The following SH3D19 variants were observed in gnomAD, a reference collection of about 807,000 sequenced individuals.
SH3D19 encodes SH3 domain containing 19.
A neutral mutation model predicts 112.1 loss-of-function variants in SH3D19; 58 were observed. The observed-to-expected ratio is 0.52, with a 90% confidence interval of 0.42 to 0.64. SH3D19 has a LOEUF of 0.64. Ranked by LOEUF, SH3D19 falls within the 30% of genes least tolerant of loss-of-function variation. SH3D19 has a pLI of 0.00. For synonymous variants in SH3D19, 391 were observed against 448.5 expected (o/e 0.87, Z 1.62); for missense variants, 1,090 against 1,263.4 (o/e 0.86, Z 2.08).
rs1397259717 is a variant in SH3D19 at position 151,176,556 on chromosome 4, T to G, written c.507A>C (p.Glu169Asp). 3.2e-6 allele frequency: 4 copies of G among 1,232,082 alleles called. No individual in the cohort carries two copies. Among genetic ancestry groups the G allele is most frequent in the East Asian group, 3.2e-5 (1 of 31,714 alleles). 76.3% of individuals were successfully genotyped at this position (1,232,082 alleles called of 1,614,324 possible). ...TSATQTDFSE[E>D]IDNDLPQTLQ... ...TACTTTGAGGCAGATCGTTGTCTAT[T>G]TCTTCTGAAAAGTCAGTCTGAGTTG... The change falls in exon 6 of 20, where the codon GAA becomes GAC. Residue 169 changes from glutamate to aspartate, a missense_variant. Glu to Asp is a conservative substitution (Grantham distance 45). Transcript: ENST00000604030.
At chr4:151,250,220 TAAAG>T (rs1771257540) in intron 1 of SH3D19, among the ~76,000 whole-genome samples, 2 of 152,108 alleles carry the variant, frequency 1.3e-5, no homozygotes, top group East Asian at 1.9e-4. Flanking sequence ...CAGCAAAAAA[TAAAG>T]AAAATCTAAG....
chr4:151,157,991 G>A (rs1756435601), intron 9 of SH3D19, among the ~76,000 whole-genome samples: 1 of 152,192 alleles, frequency 6.6e-6, no homozygotes, highest in African/African-American at 2.4e-5. Context: ...CAAAATTAGA[G>A]CTAGACAGGA....
intron 1 of SH3D19, among the ~76,000 whole-genome samples, chr4:151,311,503 G>T (rs1339509309): frequency 6.6e-6 from 1 of 152,092 alleles, no homozygotes; most frequent in Non-Finnish European, 1.5e-5. Flanking sequence ...AATACTGTGT[G>T]ATCTCACTTG....
chr4:151,317,342 C>T (rs934152184), intron 1 of SH3D19, among the ~76,000 whole-genome samples: 2 of 152,122 alleles, frequency 1.3e-5, no homozygotes, highest in Non-Finnish European at 2.9e-5. Context: ...AAAGCTAAGG[C>T]CCAGAAAGAT....
At chr4:151,296,677 C>T (rs1411420454) in intron 1 of SH3D19, among the ~76,000 whole-genome samples, 1 of 152,110 alleles carries the variant, frequency 6.6e-6, no homozygotes, top group African/African-American at 2.4e-5. Flanking sequence ...ATATTTTATT[C>T]TGTGGAATAT....
intron 1 of SH3D19, among the ~76,000 whole-genome samples, chr4:151,311,516 T>C (rs1389059458): frequency 6.6e-6 from 1 of 152,120 alleles, no homozygotes; most frequent in Non-Finnish European, 1.5e-5. Flanking sequence ...CTCACTTGTA[T>C]GTGGAATCTA....
At position 151,256,694 on chromosome 4, in the gene SH3D19, G is replaced by GGT. The variant is rs1554063261; in HGVS notation, c.113-30609_113-30608insAC. On this transcript the variant is annotated intron_variant, in intron 1 of 19. Coordinates refer to ENST00000604030, the MANE Select transcript of SH3D19 (RefSeq NM_001378122.1). ...GTGTATGGTACACTTTTGTTTTGTT[G>GGT]TTTTTTTTTTTTTTTGGCTTGGCCT... Among the ~76,000 whole-genome samples, 12 of 134,290 alleles carry GGT rather than the reference G, an allele frequency of 8.9e-5. No homozygotes were observed. In the East Asian group the frequency reaches 2.6e-3, roughly 30 times the overall value. 88.1% of individuals were successfully genotyped at this position (134,290 alleles called of 152,430 possible). A position where few individuals can be genotyped will look rare whatever the true frequency, so the allele number is the denominator to read the frequency against.
intron 1 of SH3D19, among the ~76,000 whole-genome samples, chr4:151,317,473 A>G (rs886963908): frequency 3.9e-5 from 6 of 152,220 alleles, no homozygotes; most frequent in Non-Finnish European, 7.4e-5. Flanking sequence ...GAAAACAGTG[A>G]ATATGCTGTC....
At chr4:151,256,463 T>G (rs1013397996) in intron 1 of SH3D19, among the ~76,000 whole-genome samples, 7 of 152,210 alleles carry the variant, frequency 4.6e-5, no homozygotes, top group African/African-American at 1.7e-4. Flanking sequence ...AATACTTCAA[T>G]TAAATTAGTT....
chr4:151,247,028 T>C (rs1415137750), intron 1 of SH3D19, among the ~76,000 whole-genome samples: 1 of 152,228 alleles, frequency 6.6e-6, no homozygotes, highest in Non-Finnish European at 1.5e-5. Context: ...GCTCCAGAGC[T>C]GAAACTCTTT....
chr4:151,304,541 C>T (rs369264685), intron 1 of SH3D19, among the ~76,000 whole-genome samples: 5 of 152,276 alleles, frequency 3.3e-5, no homozygotes, highest in African/African-American at 1.2e-4. Flanking sequence ...CTTTCTTTTA[C>T]CTTACCTAAT....
At chr4:151,256,922 G>C (rs1163443174) in intron 1 of SH3D19, among the ~76,000 whole-genome samples, 1 of 151,302 alleles carries the variant, frequency 6.6e-6, no homozygotes, top group East Asian at 1.9e-4. Flanking sequence ...TGTTTTCTTA[G>C]TAGAGACAGG....
chr4:151,277,240 G>T, intron 1 of SH3D19: 2 of 1,491,112 alleles, frequency 1.3e-6, no homozygotes, highest in East Asian at 2.5e-5. Context: ...CGCCAGGGTG[G>T]GGTTGAGAAG....
At chr4:151,282,546 T>C in intron 1 of SH3D19, 1 of 865,446 alleles carries the variant, frequency 1.2e-6, no homozygotes, top group South Asian at 2.1e-5. Flanking sequence ...ATATTATCTA[T>C]AAGTTTTTAA....
intron 1 of SH3D19, chr4:151,277,162 A>C: frequency 6.9e-7 from 1 of 1,444,772 alleles, no homozygotes; most frequent in Non-Finnish European, 9.2e-7. Context: ...ACTGGCTCTG[A>C]GGACAGAGAC....
rs1751530782 is a variant in SH3D19, at chr4:151,135,069, C to T, written c.2486+5G>A. 1.9e-6 allele frequency: 3 copies of T among 1,592,298 alleles called. No homozygotes were observed. Among genetic ancestry groups the T allele is most frequent in the Admixed American group, 1.7e-5 (1 of 57,738 alleles). The stretch of plus-strand genomic sequence containing the variant: ...TTTGTGTAAAAGAACACAAATAAAA[C>T]TTACTTAACACAATGAGATGAAACA... On this transcript the variant is annotated splice_donor_5th_base_variant and intron_variant, in intron 15 of 19. Transcript: ENST00000604030.
intron 9 of SH3D19, among the ~76,000 whole-genome samples, chr4:151,155,837 C>T (rs112419089): frequency 0.072 from 10,978 of 152,032 alleles, 674 homozygotes; most frequent in East Asian, 0.19. Context: ...TGCAGTGAGC[C>T]GAAATCGTGC....
intron 2 of SH3D19, among the ~76,000 whole-genome samples, chr4:151,223,956 C>T (rs949705500): frequency 6.6e-6 from 1 of 152,164 alleles, no homozygotes; most frequent in African/African-American, 2.4e-5. Context: ...TATACAGTCA[C>T]TCCACTGCAT....
At chr4:151,277,339 C>T (rs1773731509) in intron 1 of SH3D19, 5 of 765,008 alleles carry the variant, frequency 6.5e-6, no homozygotes, top group Non-Finnish European at 9.2e-6. Context: ...GTAGCACAGC[C>T]TGAGAAGGTC....
Sources: gnomAD v4.1 joint callset for allele counts (sites outside exome capture counted in the v4.1 genomes callset) on GRCh38, gnomAD v4.1.1 for gene constraint, MANE v1.5 for transcripts, NCBI Gene and HGNC (gene_info 2026-07-23, HGNC 2026-07-21) for gene names.